SLC7A5: variants seen among roughly 807,000 people sequenced by gnomAD.
SLC7A5 encodes the protein solute carrier family 7 member 5.
SLC7A5 carries 23 observed loss-of-function variants against 50.2 expected under a neutral mutation model. The observed-to-expected ratio is 0.46, with a 90% CI of 0.33 to 0.65. The LOEUF (loss-of-function observed/expected upper bound fraction) is 0.65. SLC7A5 is among the 30% of genes least tolerant of loss of function. The probability of loss-of-function intolerance (pLI) is 0.02; values close to 1 mark genes in which losing one functional copy is unlikely to be tolerated. For missense variants in SLC7A5, 578 were observed against 684.4 expected, an observed-to-expected ratio of 0.84 and a Z score of 1.73; for synonymous variants, 393 against 330.6, an observed-to-expected ratio of 1.19 and a Z score of -2.05.
At chr16:87,835,222 T>C (rs568387897) in intron 8 of SLC7A5, among the ~76,000 whole-genome samples, 10 of 152,344 alleles carry the variant, frequency 6.6e-5, no homozygotes, top group East Asian at 5.8e-4. Context: ...AGCCCATCAG[T>C]GTGGGCTGCA....
In SLC7A5 at chr16:87,853,709, G is replaced by C. The variant is rs2055269499; in HGVS notation, c.539-1860C>G. ...GCCTCGGGGACCTAGCCGGCTTCTGGAGAGCTTTCTGGATTCGCAAGAGGC... is the reference window on the plus strand; with the variant it reads ...GCCTCGGGGACCTAGCCGGCTTCTGCAGAGCTTTCTGGATTCGCAAGAGGC... On this transcript the variant is annotated intron_variant, in intron 1 of 9. Transcript: ENST00000261622. The surrounding 1 kb of genome is among the most constrained non-coding windows in gnomAD (Gnocchi z 4.4). Among the ~76,000 whole-genome samples the C allele has an allele frequency of 6.6e-6, 1 of 151,748 alleles. No homozygotes were observed. The highest frequency in any genetic ancestry group is 1.5e-5 in the Non-Finnish European group (1 of 68,008).
At chr16:87,857,252 C>T (rs552275603) in intron 1 of SLC7A5, among the ~76,000 whole-genome samples, 2 of 151,786 alleles carry the variant, frequency 1.3e-5, no homozygotes, top group South Asian at 2.1e-4. Flanking sequence ...GACGAAGTCT[C>T]GCTCTTGTCG....
In SLC7A5 at chr16:87,866,987, A is replaced by G. The variant is rs1273344849; in HGVS notation, c.538+1898T>C. On this transcript the variant is annotated intron_variant, in intron 1 of 9. Coordinates refer to ENST00000261622, the MANE Select transcript of SLC7A5 (RefSeq NM_003486.7). ...TGCTCTGTCACCCAGACTGGAGTGC[A>G]GTGGCGGGATCTCAACTCACTGCAA... is the stretch of plus-strand genomic sequence containing the variant. Among the ~76,000 whole-genome samples, 4 of 151,280 alleles carry G rather than the reference A, an allele frequency of 2.6e-5. 1 individual carries two copies. Among genetic ancestry groups the G allele is most frequent in the Admixed American group, 1.3e-4 (2 of 15,176 alleles).
intron 7 of SLC7A5, chr16:87,836,941 A>C (rs929295771): frequency 6.5e-6 from 3 of 462,886 alleles, no homozygotes; most frequent in African/African-American, 6.0e-5. Flanking sequence ...ACAGGTGAAG[A>C]ACACAGTGTA....
chr16:87,848,438 C>T (rs373732485), intron 2 of SLC7A5, among the ~76,000 whole-genome samples: 4 of 152,226 alleles, frequency 2.6e-5, no homozygotes, highest in Admixed American at 6.5e-5. Context: ...CAACAGCCTG[C>T]GAGTGGACTC....
Position 87,833,102 on chromosome 16 carries a change from C to G in SLC7A5, c.1469-77G>C. On this transcript the variant is annotated intron_variant, in intron 9 of 9. Transcript: ENST00000261622. This position sits in a 1 kb window ranked among gnomAD's most constrained non-coding sequence, Gnocchi z 6.0. ...TGGGACACGGGGGCGTGAGCTGGGG[C>G]TCCCCCAGCCCTGCTGTCACCAAAC... 1.6e-6 allele frequency: 2 copies of G among 1,225,346 alleles called. No homozygotes were observed. Among genetic ancestry groups the G allele is most frequent in the Non-Finnish European group, 2.4e-6 (2 of 827,246 alleles). 75.9% of individuals were successfully genotyped at this position (1,225,346 alleles called of 1,614,324 possible). A position where few individuals can be genotyped will look rare whatever the true frequency, so the allele number is the denominator to read the frequency against.
intron 1 of SLC7A5, among the ~76,000 whole-genome samples, chr16:87,858,755 C>T (rs2055351929): frequency 6.6e-6 from 1 of 152,178 alleles, no homozygotes; most frequent in African/African-American, 2.4e-5. Flanking sequence ...CCAAGCCAGT[C>T]CAACTCAACA....
In SLC7A5 at chr16:87,852,638, C is replaced by CTATGTGTGTG. The variant is rs1555515110; in HGVS notation, c.539-790_539-789insCACACACATA. ...CTGTAAGGCACCCAGCTCTGAGCCT[C>CTATGTGTGTG]TGTGTGTGTGTGTGTGTGTGTGTGT... On this transcript the variant is annotated intron_variant, in intron 1 of 9. Transcript: ENST00000261622. This position sits in a 1 kb window ranked among gnomAD's most constrained non-coding sequence, Gnocchi z 4.5. 8.6e-6 allele frequency among the ~76,000 whole-genome samples: 1 copy of CTATGTGTGTG among 116,796 alleles called. No homozygotes were observed. 76.6% of individuals were successfully genotyped at this position (116,796 alleles called of 152,430 possible). A position where few individuals can be genotyped will look rare whatever the true frequency, so the allele number is the denominator to read the frequency against.
Position 87,852,841 on chromosome 16 carries a change from T to A in SLC7A5, c.539-992A>T, listed in dbSNP as rs2055255360. Among the ~76,000 whole-genome samples the A allele has an allele frequency of 6.6e-6, 1 of 152,026 alleles. No individual in the cohort carries two copies. The highest frequency in any genetic ancestry group is 2.1e-4 in the South Asian group (1 of 4,826). ...TGGGGAAACAGCCACCCCCACAACT[T>A]AAAATGAAGTAAAATCATATTAATC... is the stretch of plus-strand genomic sequence containing the variant. On this transcript the variant is annotated intron_variant, in intron 1 of 9. Coordinates refer to ENST00000261622, the MANE Select transcript of SLC7A5 (RefSeq NM_003486.7). This position sits in a 1 kb window ranked among gnomAD's most constrained non-coding sequence, Gnocchi z 4.5.
chr16:87,840,520 A>G, intron 3 of SLC7A5, 47 bp from the exon 4 acceptor site: 7 of 1,481,212 alleles, frequency 4.7e-6, no homozygotes, highest in Non-Finnish European at 6.6e-6. Flanking sequence ...CTCATCAGGG[A>G]AAATAAATCA....
rs1291246019 is a variant in SLC7A5, at chr16:87,853,597, G to C, written c.539-1748C>G. On this transcript the variant is annotated intron_variant, in intron 1 of 9. Coordinates refer to ENST00000261622, the MANE Select transcript of SLC7A5 (RefSeq NM_003486.7). This position sits in a 1 kb window ranked among gnomAD's most constrained non-coding sequence, Gnocchi z 4.4. ...GGTCAGTGGGTCTAGGCAGCTCCTT[G>C]TCCGCTGCACAGGGCAAGGGGCAGG... 1.3e-5 allele frequency among the ~76,000 whole-genome samples: 2 copies of C among 152,126 alleles called. No homozygotes were observed. The highest frequency in any genetic ancestry group is 1.5e-5 in the Non-Finnish European group (1 of 68,020).
At chr16:87,868,808 CAGGGGCGTAGTGATGCA>C in intron 1 of SLC7A5, 60 bp downstream of exon 1, 9 of 1,407,414 alleles carry the variant, frequency 6.4e-6, no homozygotes, top group Non-Finnish European at 5.9e-6. Context: ...ATGTGGGAGC[CAGGGGCGTAGTGATGCA>C]AGGATGCAGG....
chr16:87,840,341 G>T, intron 4 of SLC7A5, 88 bp downstream of exon 4: 2 of 1,236,046 alleles, frequency 1.6e-6, no homozygotes, highest in East Asian at 2.3e-5. Flanking sequence ...GGCCTGAGCC[G>T]ACCAACAGGC....
rs753038482 is a variant in SLC7A5 at position 87,838,755 on chromosome 16, G to A, written c.1002C>T (p.Ser334=). ...SWIIPVFVGL[S]CFGSVNGSLF... ...GGGACCCATTGACGGAGCCGAAGCAGGACAGGCCCACGAAGACGGGGATGA... is the reference window on the plus strand; with the variant it reads ...GGGACCCATTGACGGAGCCGAAGCAAGACAGGCCCACGAAGACGGGGATGA... Residue 334 remains serine, a synonymous_variant, in exon 6 of 10, where the codon TCC becomes TCT. Transcript: ENST00000261622. The A allele has an allele frequency of 6.2e-7, 1 of 1,614,070 alleles. No homozygotes were observed.
At chr16:87,849,568 C>A (rs113228485) in intron 2 of SLC7A5, among the ~76,000 whole-genome samples, 3 of 152,338 alleles carry the variant, frequency 2.0e-5, no homozygotes, top group African/African-American at 7.2e-5. Flanking sequence ...CAAGCAAAGG[C>A]CTTCACGAGC....
intron 2 of SLC7A5, among the ~76,000 whole-genome samples, chr16:87,844,406 C>G (rs2055122857): frequency 6.6e-6 from 1 of 152,170 alleles, no homozygotes. Context: ...TGGCCTTGAT[C>G]CCTGAGTCAG....
chr16:87,845,614 G>C (rs1298840939), intron 2 of SLC7A5, among the ~76,000 whole-genome samples: 1 of 152,178 alleles, frequency 6.6e-6, no homozygotes, highest in East Asian at 1.9e-4. Context: ...TCTAATGCCT[G>C]GGAACCGTGA....
At chr16:87,836,678 G>T in intron 7 of SLC7A5, 31 bp from the exon 8 acceptor site, 1 of 1,608,112 alleles carries the variant, frequency 6.2e-7, no homozygotes. Context: ...GCTGAGCCCT[G>T]GGGCCCACGA....
Position 87,862,457 on chromosome 16 carries a change from C to T in SLC7A5, c.538+6428G>A, listed in dbSNP as rs541313453. 2.0e-5 allele frequency among the ~76,000 whole-genome samples: 3 copies of T among 152,240 alleles called. No homozygotes were observed. The highest frequency in any genetic ancestry group is 1.9e-4 in the East Asian group (1 of 5,202). ...TGGCGATTCCTACTTCCACCCATAG[C>T]CCCCCGACCCTGGGCCTGTGCCGAG... On this transcript the variant is annotated intron_variant, in intron 1 of 9. Transcript: ENST00000261622. This position sits in a 1 kb window ranked among gnomAD's most constrained non-coding sequence, Gnocchi z 5.3.
Sources: gnomAD v4.1 joint callset for allele counts (sites outside exome capture counted in the v4.1 genomes callset) on GRCh38, gnomAD v4.1.1 for gene constraint, Gnocchi (gnomAD v3.1) non-coding constraint, MANE v1.5 for transcripts, NCBI Gene and HGNC (gene_info 2026-07-23, HGNC 2026-07-21) for gene names.